Variants in AOAH observed in about 807,000 individuals in gnomAD.
AOAH encodes acyloxyacyl hydrolase (neutrophil).
Under a neutral mutation model 92.2 loss-of-function variants are expected in AOAH, and 64 were observed. The observed-to-expected ratio is 0.69, with a 90% CI of 0.57 to 0.86. The LOEUF is 0.86. AOAH is among the 40% of genes least tolerant of loss of function. The pLI is 0.00. For missense variants in AOAH, 656 were observed against 694.6 expected, an observed-to-expected ratio of 0.94 and a Z score of 0.62; for synonymous variants, 263 against 254.5, an observed-to-expected ratio of 1.03 and a Z score of -0.32.
chr7:36,556,216 TA>T (rs1786698929), intron 13 of AOAH, among the ~76,000 whole-genome samples: 1 of 152,240 alleles, frequency 6.6e-6, no homozygotes, highest in South Asian at 2.1e-4. Flanking sequence ...AGAACATCTT[TA>T]TTTCTGCCTT....
chr7:36,687,953 G>A (rs1343588611), intron 1 of AOAH, among the ~76,000 whole-genome samples: 1 of 152,168 alleles, frequency 6.6e-6, no homozygotes, highest in Non-Finnish European at 1.5e-5. Context: ...CTTTCTAGAT[G>A]CTGCAATATC....
In AOAH at chr7:36,659,206, TTC is replaced by T. The variant is rs1795057959; in HGVS notation, c.348_349del (p.Asn117HisfsTer37). The T allele has an allele frequency of 1.9e-6, 3 of 1,614,006 alleles. No individual in the cohort carries two copies. In the South Asian group the frequency reaches 3.3e-5, roughly 18 times the overall value. On this transcript the variant is annotated frameshift_variant, in exon 4 of 21. Coordinates refer to ENST00000617537, the MANE Select transcript of AOAH (RefSeq NM_001637.4). LOFTEE classifies it high-confidence loss of function. ...GAGATGACACAATGGTTGGCCAGTG[TTC>T]TGTTTACAAAACTCCAGAGTGTGAC... is the stretch of plus-strand genomic sequence containing the variant.
intron 6 of AOAH, among the ~76,000 whole-genome samples, chr7:36,627,794 C>T (rs947606611): frequency 4.9e-4 from 75 of 152,160 alleles, no homozygotes; most frequent in Non-Finnish European, 2.9e-5. Flanking sequence ...CACCCGCCTG[C>T]CACCAGATAT....
intron 13 of AOAH, among the ~76,000 whole-genome samples, chr7:36,557,922 T>A (rs1315232295): frequency 6.6e-6 from 1 of 152,096 alleles, no homozygotes; most frequent in Non-Finnish European, 1.5e-5. Flanking sequence ...TCTTTGCCTT[T>A]GGTTTGAATT....
chr7:36,567,189 A>G (rs114086185), intron 13 of AOAH, among the ~76,000 whole-genome samples: 2,901 of 152,204 alleles, frequency 0.019, 93 homozygotes, highest in African/African-American at 0.067. Flanking sequence ...AATGCCCCCA[A>G]TCGAATTCTT....
chr7:36,574,131 G>A (rs2116615028), intron 13 of AOAH, among the ~76,000 whole-genome samples: 1 of 152,258 alleles, frequency 6.6e-6, no homozygotes, highest in East Asian at 1.9e-4. Flanking sequence ...ATGAGTAACT[G>A]AGAAACTAAA....
chr7:36,601,916 C>A (rs1298280855), intron 11 of AOAH, among the ~76,000 whole-genome samples: 2 of 152,164 alleles, frequency 1.3e-5, no homozygotes, highest in African/African-American at 4.8e-5. Flanking sequence ...CAACAAACAC[C>A]AAGTATTACA....
chr7:36,513,481 T>C, intron 20 of AOAH, 101 bp from the exon 21 acceptor site: 1 of 1,223,476 alleles, frequency 8.2e-7, no homozygotes, highest in South Asian at 1.4e-5. Context: ...GCCTCTAGGA[T>C]GGCCCCATGA....
intron 2 of AOAH, among the ~76,000 whole-genome samples, chr7:36,677,390 C>A (rs1211686386): frequency 1.3e-5 from 2 of 152,172 alleles, no homozygotes; most frequent in Admixed American, 1.3e-4. Context: ...AAATGAGATA[C>A]AACTTCATGT....
At chr7:36,625,218 G>T (rs949502158) in intron 6 of AOAH, among the ~76,000 whole-genome samples, 4 of 152,176 alleles carry the variant, frequency 2.6e-5, no homozygotes, top group Non-Finnish European at 5.9e-5. Context: ...CCCTCTTAGT[G>T]TCTCCAAGAA....
chr7:36,696,338 G>T (rs915949275), intron 1 of AOAH, among the ~76,000 whole-genome samples: 1 of 152,112 alleles, frequency 6.6e-6, no homozygotes, highest in Non-Finnish European at 1.5e-5. Flanking sequence ...GATTAGAATT[G>T]TGTTTAATCT....
At chr7:36,575,261 ACTGTATTAT>A (rs1412177403) in intron 13 of AOAH, among the ~76,000 whole-genome samples, 4 of 152,084 alleles carry the variant, frequency 2.6e-5, no homozygotes, top group Non-Finnish European at 5.9e-5. Context: ...TAGCCCAATG[ACTGTATTAT>A]CTTTGTTGGT....
intron 3 of AOAH, 125 bp from the exon 4 acceptor site, chr7:36,659,390 C>T: frequency 1.4e-6 from 1 of 726,300 alleles, no homozygotes; most frequent in Non-Finnish European, 2.4e-6. Flanking sequence ...TGCAGAGTGG[C>T]CTTTGACCCC....
intron 13 of AOAH, among the ~76,000 whole-genome samples, chr7:36,568,045 C>A (rs1467712176): frequency 1.3e-5 from 2 of 152,176 alleles, no homozygotes; most frequent in African/African-American, 4.8e-5. Flanking sequence ...TGAGACCATC[C>A]TACGATGTGT....
At chr7:36,582,009 A>G (rs1788964557) in intron 12 of AOAH, among the ~76,000 whole-genome samples, 1 of 152,172 alleles carries the variant, frequency 6.6e-6, no homozygotes, top group African/African-American at 2.4e-5. Flanking sequence ...CTGCAAATTG[A>G]GAAGATAGCT....
chr7:36,633,686 C>T (rs1298408282), intron 5 of AOAH, among the ~76,000 whole-genome samples: 1 of 152,032 alleles, frequency 6.6e-6, no homozygotes, highest in African/African-American at 2.4e-5. Context: ...ACCCTGAGGA[C>T]TGTGGGGAAG....
chr7:36,715,209 G>A (rs1046407060), intron 1 of AOAH, among the ~76,000 whole-genome samples: 8 of 152,086 alleles, frequency 5.3e-5, no homozygotes, highest in African/African-American at 1.9e-4. Flanking sequence ...AATCATGAGT[G>A]AACTCCCATT....
chr7:36,580,624 T>C (rs1490296207), intron 12 of AOAH, among the ~76,000 whole-genome samples: 1 of 152,234 alleles, frequency 6.6e-6, no homozygotes, highest in Non-Finnish European at 1.5e-5. Context: ...ATGTTTGAGG[T>C]TTCCTTCAGA....
intron 15 of AOAH, among the ~76,000 whole-genome samples, chr7:36,542,988 G>C (rs893970084): frequency 2.0e-5 from 3 of 151,676 alleles, no homozygotes; most frequent in Admixed American, 6.6e-5. Flanking sequence ...CAATACTTTT[G>C]GTGCCATGGG....
Sources: gnomAD v4.1 joint callset for allele counts (sites outside exome capture counted in the v4.1 genomes callset) on GRCh38, gnomAD v4.1.1 for gene constraint, MANE v1.5 for transcripts, NCBI Gene and HGNC (gene_info 2026-07-23, HGNC 2026-07-21) for gene names.